FLT4: variants seen among roughly 807,000 people sequenced by gnomAD.
FLT4 encodes the protein vascular endothelial growth factor receptor 3.
A neutral mutation model predicts 163.2 loss-of-function variants in FLT4; 30 were observed. That is an observed-to-expected ratio of 0.18 (90% confidence interval 0.14 to 0.25). FLT4 has a LOEUF of 0.25. FLT4 is among the 10% of genes least tolerant of loss of function. FLT4 has a pLI of 1.00. For synonymous variants in FLT4, 884 were observed against 789.5 expected, an observed-to-expected ratio of 1.12 and a Z score of -2.01; for missense variants, 1,510 against 1,863.8, an observed-to-expected ratio of 0.81 and a Z score of 3.50.
intron 1 of FLT4, among the ~76,000 whole-genome samples, chr5:180,644,063 C>T (rs1218258918): frequency 7.2e-5 from 11 of 152,186 alleles, no homozygotes; most frequent in Admixed American, 1.3e-4. Context: ...GTGATCCGCC[C>T]GCCTTGGCCT....
rs1043292243 is a variant in FLT4 at position 180,621,920 on chromosome 5, G to C, written c.1658-16C>G. On this transcript the variant is annotated splice_polypyrimidine_tract_variant and intron_variant, in intron 12 of 29. Transcript: ENST00000261937. ...TCGGGGATGGCTGTGGAGGGAGGAA[G>C]AAGCCCTGTGGCACTGCCCTGGGAG... The C allele has an allele frequency of 6.2e-7, 1 of 1,612,944 alleles. No individual in the cohort carries two copies. The highest frequency in any genetic ancestry group is 1.1e-5 in the South Asian group (1 of 91,068).
At chr5:180,607,986 CGT>C in intron 29 of FLT4, 1 of 648,304 alleles carries the variant, frequency 1.5e-6, no homozygotes, top group South Asian at 1.8e-5. Flanking sequence ...CATGAAAGGG[CGT>C]CTCCCTTTCC....
At chr5:180,609,862 G>C in intron 28 of FLT4, 43 bp downstream of exon 28, 1 of 1,612,784 alleles carries the variant, frequency 6.2e-7, no homozygotes, top group Non-Finnish European at 8.5e-7. Context: ...GGCGGCCCCA[G>C]CCCTGAGCCG....
rs564369853 is a variant in FLT4, at chr5:180,613,015, C to T, written c.3427G>A (p.Ala1143Thr). ...CAGGGCCATGGGGAGGCTCACATGG[C>T]GGGAGTGGCCAGCTCCGGGGCCCTC... Reference protein sequence around the residue: ...RMRAPELATPAIRRIMLNCWS... With the variant: ...RMRAPELATPTIRRIMLNCWS... Residue 1143 changes from alanine to threonine, a missense_variant, in exon 25 of 30, where the codon GCC becomes ACC. By Grantham distance (58) the Ala-to-Thr change is moderately conservative. Coordinates refer to ENST00000261937, the MANE Select transcript of FLT4 (RefSeq NM_182925.5). 32 of 1,610,806 alleles carry T rather than the reference C, an allele frequency of 2.0e-5. No individual in the cohort carries two copies. The highest frequency in any genetic ancestry group is 1.6e-4 in the Middle Eastern group (1 of 6,064).
intron 10 of FLT4, among the ~76,000 whole-genome samples, chr5:180,624,858 G>A (rs1763477007): frequency 6.6e-6 from 1 of 152,246 alleles, no homozygotes. Context: ...GGGCCCCAAG[G>A]GAGGCTCATA....
chr5:180,611,625 TCGCC>T, intron 26 of FLT4, 146 bp from the exon 27 acceptor site: 2 of 806,594 alleles, frequency 2.5e-6, no homozygotes, highest in Admixed American at 4.7e-5. Context: ...GCCCCCGCCC[TCGCC>T]CTGCCCTCAG....
intron 7 of FLT4, 122 bp from the exon 8 acceptor site, chr5:180,629,121 C>T (rs181824951): frequency 2.9e-5 from 42 of 1,440,828 alleles, no homozygotes; most frequent in South Asian, 9.2e-5. Flanking sequence ...CTGGCCATGC[C>T]GCCCGGTGCA....
At position 180,609,751 on chromosome 5, in the gene FLT4, G is replaced by C. The variant is rs548407958; in HGVS notation, c.3807+154C>G. ...GCTGTGAGTCGTGGCATCGCAGGAG[G>C]GCCCAAATGTGCCCAAGGCTCACCC... is the stretch of plus-strand genomic sequence containing the variant. On this transcript the variant is annotated intron_variant, in intron 28 of 29. Coordinates refer to ENST00000261937, the MANE Select transcript of FLT4 (RefSeq NM_182925.5). 3.4e-5 allele frequency: 30 copies of C among 877,172 alleles called. No individual in the cohort carries two copies. The East Asian group carries it at 7.4e-4, about 22-fold the overall frequency. The allele number at this position is 877,172 out of a possible 1,614,324, so 54.3% of individuals were successfully genotyped here.
chr5:180,616,456 G>C lies in FLT4; in HGVS notation c.3130C>G (p.Leu1044Val). The change falls in exon 23 of 30, where the codon CTG becomes GTG. Residue 1044 changes from leucine (L) to valine (V), a missense_variant. By Grantham distance (32) the Leu-to-Val change is conservative. Around this residue, in one of 5 missense-constraint regions of FLT4, gnomAD observed 878 missense variants for 1,016.7 expected, o/e 0.86. Coordinates refer to ENST00000261937, the MANE Select transcript of FLT4 (RefSeq NM_182925.5). ...TTCACCACGTCGCTTTCCGACAGCA[G>C]AATGTTCCGAGCAGCCAGGTCTCTG... ...IHRDLAARNI[L>V]LSESDVVKIC... The C allele has an allele frequency of 1.2e-6, 2 of 1,613,966 alleles. No homozygotes were observed. Among genetic ancestry groups the C allele is most frequent in the Non-Finnish European group, 1.7e-6 (2 of 1,180,002 alleles).
rs376696560 is a variant in FLT4, at chr5:180,620,560, T to G, written c.2406+49A>C. The G allele has an allele frequency of 2.8e-6, 4 of 1,426,452 alleles. No homozygotes were observed. Among genetic ancestry groups the G allele is most frequent in the African/African-American group, 2.8e-5 (2 of 71,080 alleles). 88.4% of individuals were successfully genotyped at this position (1,426,452 alleles called of 1,614,324 possible). A position where few individuals can be genotyped will look rare whatever the true frequency, so the allele number is the denominator to read the frequency against. On this transcript the variant is annotated intron_variant, in intron 16 of 29. Transcript: ENST00000261937. This position sits in a 1 kb window ranked among gnomAD's most constrained non-coding sequence, Gnocchi z 4.4. The stretch of plus-strand genomic sequence containing the variant: ...TTCTTTATCTTAGGGGCGGCCAGGG[T>G]GGGGAAGGCCTGAGAGAGACTCCAT...
intron 25 of FLT4, 64 bp downstream of exon 25, chr5:180,612,947 A>G: frequency 7.7e-7 from 1 of 1,300,556 alleles, no homozygotes; most frequent in Non-Finnish European, 1.1e-6. Context: ...CTTCTCATGG[A>G]CACAACCCCC....
In FLT4 at chr5:180,618,715, G is replaced by A. The variant is rs566668259; in HGVS notation, c.3001+55C>T. 196 of 1,553,874 alleles carry A rather than the reference G, an allele frequency of 1.3e-4. No homozygotes were observed. In the African/African-American group the frequency reaches 2.2e-3, roughly 17 times the overall value. On this transcript the variant is annotated intron_variant, in intron 21 of 29. Transcript: ENST00000261937. Reference sequence around the variant, plus strand: ...ACCCCAGGCTGGGGTGCCTGATCACGGGATATAACCGGGCCCGTCAGGCAC... The same window carrying A: ...ACCCCAGGCTGGGGTGCCTGATCACAGGATATAACCGGGCCCGTCAGGCAC...
chr5:180,612,475 C>T (rs762191581), intron 26 of FLT4, 31 bp downstream of exon 26: 13 of 1,534,140 alleles, frequency 8.5e-6, no homozygotes, highest in Non-Finnish European at 1.2e-5. Context: ...GGCCAAAGGC[C>T]ATAGTAGAAC....
chr5:180,628,842 A>T, intron 8 of FLT4, 40 bp downstream of exon 8: 1 of 1,405,154 alleles, frequency 7.1e-7, no homozygotes, highest in Non-Finnish European at 1.0e-6. Context: ...CTGGACTTGG[A>T]AGGGTATCGG....
chr5:180,626,808 T>C (rs1367221073), intron 8 of FLT4, among the ~76,000 whole-genome samples: 2 of 152,136 alleles, frequency 1.3e-5, no homozygotes, highest in Non-Finnish European at 2.9e-5. Context: ...GGCTTCTTGC[T>C]GCCCACACCC....
chr5:180,630,882 T>C lies in FLT4; in HGVS notation c.156-83A>G, dbSNP rs571735634. The C allele has an allele frequency of 1.4e-5, 20 of 1,466,508 alleles. No homozygotes were observed. The African/African-American group carries it at 1.5e-4, about 11-fold the overall frequency. The allele number at this position is 1,466,508 out of a possible 1,614,324, so 90.8% of individuals were successfully genotyped here. On this transcript the variant is annotated intron_variant, in intron 2 of 29. Coordinates refer to ENST00000261937, the MANE Select transcript of FLT4 (RefSeq NM_182925.5). This position sits in a 1 kb window ranked among gnomAD's most constrained non-coding sequence, Gnocchi z 6.3. ...TGAGAAGCCTCCCTCAGGCCGAGCC[T>C]CACCAGGTTTGTCTTACCCAGAGCA...
intron 29 of FLT4, 37 bp downstream of exon 29, chr5:180,608,931 C>T (rs373009855): frequency 3.2e-5 from 50 of 1,548,244 alleles, no homozygotes; most frequent in Middle Eastern, 3.4e-4. Context: ...AGGGCAACAT[C>T]GATACCTGCA....
chr5:180,647,903 C>T (rs1765559354), intron 1 of FLT4, among the ~76,000 whole-genome samples: 1 of 152,136 alleles, frequency 6.6e-6, no homozygotes, highest in African/African-American at 2.4e-5. Context: ...CACCCGGGAG[C>T]ACCAGGACAC....
At position 180,620,588 on chromosome 5, in the gene FLT4, G is replaced by A; in HGVS notation, c.2406+21C>T. 1.3e-6 allele frequency: 2 copies of A among 1,556,734 alleles called. No individual in the cohort carries two copies. Among genetic ancestry groups the A allele is most frequent in the Non-Finnish European group, 1.8e-6 (2 of 1,128,870 alleles). ...GGAAGGCCTGAGAGAGACTCCATCA[G>A]GAGCGGGGAGGGACACTCACCCTCC... On this transcript the variant is annotated intron_variant, in intron 16 of 29. Coordinates refer to ENST00000261937, the MANE Select transcript of FLT4 (RefSeq NM_182925.5). This position sits in a 1 kb window ranked among gnomAD's most constrained non-coding sequence, Gnocchi z 4.4.
Sources: gnomAD v4.1 joint callset for allele counts (sites outside exome capture counted in the v4.1 genomes callset) on GRCh38, gnomAD v4.1.1 for gene constraint, gnomAD v4.1.1 regional missense constraint, Gnocchi (gnomAD v3.1) non-coding constraint, MANE v1.5 for transcripts, NCBI Gene and HGNC (gene_info 2026-07-23, HGNC 2026-07-21) for gene names.